Variants in RANBP10 observed in about 807,000 individuals in gnomAD.
The protein encoded by RANBP10 is RAN binding protein 10, also known as ran-binding protein 10.
RANBP10 carries 24 observed loss-of-function variants against 72.8 expected under a neutral mutation model. The ratio of observed to expected loss-of-function variants is 0.33; its 90% CI spans 0.24 to 0.46. The LOEUF (loss-of-function observed/expected upper bound fraction) is 0.46, where lower values mean the gene tolerates loss of function less well. RANBP10 is among the 20% of genes least tolerant of loss of function. RANBP10 has a pLI of 1.00. For missense variants in RANBP10, 679 were observed against 817.5 expected (o/e 0.83, Z 2.07); for synonymous variants, 310 against 322.3 (o/e 0.96, Z 0.41).
rs1433756259 is a variant in RANBP10, at chr16:67,735,028, G to T, written c.606C>A (p.Pro202=). 3.1e-6 allele frequency: 5 copies of T among 1,606,342 alleles called. No individual in the cohort carries two copies. The highest frequency in any genetic ancestry group is 1.1e-5 in the South Asian group (1 of 90,176). ...AFTDLPANLY[P]TVGLQTPGEI... is the part of the protein sequence containing the mutation. ...CCCCAGGTGTCTGCAGGCCTACGGTGGGGTAGAGGTTGGCCTGAGGAGGAG... is the reference window on the plus strand; with the variant it reads ...CCCCAGGTGTCTGCAGGCCTACGGTTGGGTAGAGGTTGGCCTGAGGAGGAG... The change falls in exon 6 of 14, where the codon CCC becomes CCA. Residue 202 remains proline (P), a synonymous_variant. Coordinates refer to ENST00000317506, the MANE Select transcript of RANBP10 (RefSeq NM_020850.3).
rs2053625323 is a variant in RANBP10 at position 67,727,420 on chromosome 16, C to A, written c.1639G>T (p.Ala547Ser). 1 of 1,613,678 alleles carries A rather than the reference C, an allele frequency of 6.2e-7. No homozygotes were observed. Among genetic ancestry groups the A allele is most frequent in the Non-Finnish European group, 8.5e-7 (1 of 1,179,788 alleles). ...GGGCAGCTCCAGGGGTCTGAGTATGCCAGCAGGCTGAAGGCATCCTACAGG... is the reference window on the plus strand; with the variant it reads ...GGGCAGCTCCAGGGGTCTGAGTATGACAGCAGGCTGAAGGCATCCTACAGG... The part of the protein sequence containing the change: ...EMLQDAFSLL[A>S]YSDPWSCPVG... The change falls in exon 13 of 14, where the codon GCA becomes TCA. Residue 547 changes from alanine to serine, a missense_variant. By Grantham distance (99) the Ala-to-Ser change is moderately conservative. Coordinates refer to ENST00000317506, the MANE Select transcript of RANBP10 (RefSeq NM_020850.3).
Position 67,806,441 on chromosome 16 carries a change from C to A in RANBP10, c.96G>T (p.Glu32Asp). The change falls in exon 1 of 14, where the codon GAG (glutamate) becomes GAT (aspartate). Residue 32 changes from glutamate (E) to aspartate (D), a missense_variant. By Grantham distance (45) the Glu-to-Asp change is conservative. Coordinates refer to ENST00000317506, the MANE Select transcript of RANBP10 (RefSeq NM_020850.3). ...GAGGGLPSPG[E>D]QELSRRLQRL... ...GCTGCAAGCGCCGGCTCAGCTCCTG[C>A]TCCCCAGGGGACGGCAGCCCGCCCC... 1 of 1,584,826 alleles carries A rather than the reference C, an allele frequency of 6.3e-7. No individual in the cohort carries two copies.
At chr16:67,789,092 T>C (rs1485261781) in intron 2 of RANBP10, among the ~76,000 whole-genome samples, 1 of 150,924 alleles carries the variant, frequency 6.6e-6, no homozygotes, top group African/African-American at 2.5e-5. Context: ...GGCAGATTAC[T>C]TGAGGTCAAG....
intron 2 of RANBP10, among the ~76,000 whole-genome samples, chr16:67,773,470 G>A (rs1484228420): frequency 6.6e-6 from 1 of 152,188 alleles, no homozygotes; most frequent in Non-Finnish European, 1.5e-5. Flanking sequence ...CACTGCCCCT[G>A]CCAGTCCTTT....
At chr16:67,742,467 G>A (rs2053988197) in intron 4 of RANBP10, among the ~76,000 whole-genome samples, 1 of 152,196 alleles carries the variant, frequency 6.6e-6, no homozygotes, top group Admixed American at 6.5e-5. Flanking sequence ...TTAATTACAA[G>A]ATGTGTGAGG....
rs531359115 is a variant in RANBP10, at chr16:67,727,784, G to A, written c.1587C>T (p.Tyr529=). ...QALSEQLGRE[Y]GKNLAHTEML... is the part of the protein sequence containing the mutation. ...TCTCTGTGTGGGCCAAATTCTTGCC[G>A]TACTCCCGGCCCAACTGCTCACTCA... is the stretch of plus-strand genomic sequence containing the variant. The change falls in exon 12 of 14, where the codon TAC becomes TAT. Residue 529 remains tyrosine (Y), a synonymous_variant. Coordinates refer to ENST00000317506, the MANE Select transcript of RANBP10 (RefSeq NM_020850.3). The A allele has an allele frequency of 1.4e-5, 23 of 1,614,128 alleles. No individual in the cohort carries two copies. The African/African-American group carries it at 1.5e-4, about 10-fold the overall frequency.
rs71145979 is a variant in RANBP10, at chr16:67,737,192, C to CTTT, written c.591+818_591+820dup. 5.8e-4 allele frequency among the ~76,000 whole-genome samples: 44 copies of CTTT among 75,966 alleles called. 1 individual carries two copies. The highest frequency in any genetic ancestry group is 2.1e-3 in the African/African-American group (34 of 16,058). The allele number at this position is 75,966 out of a possible 152,430, so 49.8% of individuals were successfully genotyped here. A position where few individuals can be genotyped will look rare whatever the true frequency, so the allele number is the denominator to read the frequency against. On this transcript the variant is annotated intron_variant, in intron 5 of 13. Transcript: ENST00000317506. ...AGCAAGCAGAAAACTCCATCCTTTTCTTTTTTTTTTTTTTTTTTTTTTTTT... is the reference window on the plus strand; with the variant it reads ...AGCAAGCAGAAAACTCCATCCTTTTCTTTTTTTTTTTTTTTTTTTTTTTTTTTT...
At chr16:67,731,671 C>G (rs900456584) in intron 6 of RANBP10, 87 bp from the exon 7 acceptor site, 12 of 929,932 alleles carry the variant, frequency 1.3e-5, no homozygotes, top group Non-Finnish European at 2.0e-5. Flanking sequence ...TTACCTCCCC[C>G]AGAGGTCTCC....
rs796270375 is a variant in RANBP10 at position 67,730,322 on chromosome 16, C to T, written c.890-276G>A. On this transcript the variant is annotated intron_variant, in intron 7 of 13. Coordinates refer to ENST00000317506, the MANE Select transcript of RANBP10 (RefSeq NM_020850.3). This position sits in a 1 kb window ranked among gnomAD's most constrained non-coding sequence, Gnocchi z 4.3. Reference sequence around the variant, plus strand: ...GGGTAAATGTGGAGGTCTGCTCCTGCGGGGCACATGGTGCCAGGGACCTGG... The same window carrying T: ...GGGTAAATGTGGAGGTCTGCTCCTGTGGGGCACATGGTGCCAGGGACCTGG... Among the ~76,000 whole-genome samples, 39 of 152,270 alleles carry T rather than the reference C, an allele frequency of 2.6e-4. No homozygotes were observed. The highest frequency in any genetic ancestry group is 7.9e-4 in the African/African-American group (33 of 41,574).
intron 12 of RANBP10, 108 bp from the exon 13 acceptor site, chr16:67,727,546 G>T: frequency 7.5e-7 from 1 of 1,324,834 alleles, no homozygotes; most frequent in Non-Finnish European, 1.1e-6. Context: ...AGCCTGGAAT[G>T]TGGGGTGTAG....
chr16:67,782,364 C>T (rs1249695667), intron 2 of RANBP10, among the ~76,000 whole-genome samples: 2 of 152,250 alleles, frequency 1.3e-5, no homozygotes, highest in African/African-American at 4.8e-5. Flanking sequence ...TGAGCTCAAG[C>T]GATCAGCCTG....
rs997703490 is a variant in RANBP10, at chr16:67,740,295, C to T, written c.569-2260G>A. Among the ~76,000 whole-genome samples the T allele has an allele frequency of 3.9e-5, 6 of 151,954 alleles. No homozygotes were observed. In the East Asian group the frequency reaches 1.2e-3, roughly 29 times the overall value. Reference sequence around the variant, plus strand: ...TTTTTTTTTGTATTTTTAGTGGAGACGGGGTTTCACCGTGTTAGCCAGATG... The same window carrying T: ...TTTTTTTTTGTATTTTTAGTGGAGATGGGGTTTCACCGTGTTAGCCAGATG... On this transcript the variant is annotated intron_variant, in intron 4 of 13. Coordinates refer to ENST00000317506, the MANE Select transcript of RANBP10 (RefSeq NM_020850.3).
Position 67,780,530 on chromosome 16 carries a change from T to C in RANBP10, c.348-8444A>G, listed in dbSNP as rs1221014621. ...TGGGAGGCCAAGGCGGGAAGATCAT[T>C]GGAAGCCAGGAGTGCAAGACCAGCC... On this transcript the variant is annotated intron_variant, in intron 2 of 13. Transcript: ENST00000317506. 2.6e-5 allele frequency among the ~76,000 whole-genome samples: 4 copies of C among 152,060 alleles called. No homozygotes were observed. In the East Asian group the frequency reaches 7.7e-4, roughly 29 times the overall value.
intron 3 of RANBP10, among the ~76,000 whole-genome samples, chr16:67,760,327 C>G (rs1222626637): frequency 6.6e-6 from 1 of 152,192 alleles, no homozygotes; most frequent in East Asian, 1.9e-4. Context: ...GAACCTGGCA[C>G]AGACCCCTGG....
chr16:67,731,711 C>G (rs1225450392), intron 6 of RANBP10, 127 bp from the exon 7 acceptor site: 1 of 645,032 alleles, frequency 1.6e-6, no homozygotes, highest in African/African-American at 1.8e-5. Flanking sequence ...GTAACCTCCA[C>G]AGAATGAGAA....
intron 3 of RANBP10, among the ~76,000 whole-genome samples, chr16:67,765,044 A>G (rs547862793): frequency 1.3e-4 from 20 of 152,182 alleles, no homozygotes; most frequent in African/African-American, 4.6e-4. Context: ...ACCGGTCAAA[A>G]CAGCAAACTT....
rs758527711 is a variant in RANBP10 at position 67,744,363 on chromosome 16, T to C, written c.493A>G (p.Thr165Ala). Residue 165 changes from threonine (T) to alanine (A), a missense_variant, in exon 4 of 14, where the codon ACA becomes GCA. Thr to Ala is a moderately conservative substitution (Grantham distance 58). Transcript: ENST00000317506. Reference sequence around the variant, plus strand: ...ACACAGCAGCCGATCACGTCTCCTGTGGTGAATGTGGGACCATAGGGCTGG... The same window carrying C: ...ACACAGCAGCCGATCACGTCTCCTGCGGTGAATGTGGGACCATAGGGCTGG... ...TGQPYGPTFT[T>A]GDVIGCCVNL... 1.4e-5 allele frequency: 22 copies of C among 1,614,182 alleles called. No individual in the cohort carries two copies. Among genetic ancestry groups the C allele is most frequent in the South Asian group, 3.3e-5 (3 of 91,078 alleles).
chr16:67,753,341 AC>A (rs371568633), intron 3 of RANBP10, among the ~76,000 whole-genome samples: 35 of 152,260 alleles, frequency 2.3e-4, no homozygotes, highest in African/African-American at 7.2e-4. Context: ...CCCCACCTCT[AC>A]AAAAAATACA....
chr16:67,739,360 C>T (rs797022288), intron 4 of RANBP10, among the ~76,000 whole-genome samples: 5 of 152,206 alleles, frequency 3.3e-5, no homozygotes, highest in South Asian at 4.2e-4. Flanking sequence ...CTCAGAGGTT[C>T]GACAATTTGC....
Sources: gnomAD v4.1 joint callset for allele counts (sites outside exome capture counted in the v4.1 genomes callset) on GRCh38, gnomAD v4.1.1 for gene constraint, Gnocchi (gnomAD v3.1) non-coding constraint, MANE v1.5 for transcripts, NCBI Gene and HGNC (gene_info 2026-07-23, HGNC 2026-07-21) for gene names.